Variants in FLI1 observed in about 807,000 individuals in gnomAD.
FLI1 encodes Fli-1 proto-oncogene, ETS transcription factor.
In FLI1, 13 loss-of-function variants were observed where a neutral mutation model predicts 53.1. The observed-to-expected ratio is 0.24, with a 90% confidence interval of 0.16 to 0.39. FLI1 has a LOEUF of 0.39. Ranked by LOEUF, FLI1 falls within the 10% of genes least tolerant of loss-of-function variation. FLI1 has a pLI of 1.00. For synonymous variants in FLI1, 244 were observed against 236.7 expected, an observed-to-expected ratio of 1.03 and a Z score of -0.28; for missense variants, 424 against 600.5, an observed-to-expected ratio of 0.71 and a Z score of 3.07.
At chr11:128,793,885 A>T (rs1267100940) in intron 5 of FLI1, among the ~76,000 whole-genome samples, 1 of 152,054 alleles carries the variant, frequency 6.6e-6, no homozygotes, top group Non-Finnish European at 1.5e-5. Context: ...CACCCTCCCC[A>T]TTCGTTCCCA....
At chr11:128,709,819 G>A (rs1412898796) in intron 1 of FLI1, among the ~76,000 whole-genome samples, 6 of 152,154 alleles carry the variant, frequency 3.9e-5, no homozygotes, top group Non-Finnish European at 7.3e-5. Flanking sequence ...TGTCCTTGTG[G>A]TAATACAGTA....
chr11:128,766,732 C>T (rs1047042683), intron 2 of FLI1, among the ~76,000 whole-genome samples: 2 of 151,722 alleles, frequency 1.3e-5, no homozygotes, highest in Non-Finnish European at 2.9e-5. Flanking sequence ...CTCAAGGCCT[C>T]GCTGTGGTCC....
chr11:128,709,207 C>T (rs1591741082), intron 1 of FLI1, among the ~76,000 whole-genome samples: 1 of 152,154 alleles, frequency 6.6e-6, no homozygotes, highest in South Asian at 2.1e-4. Flanking sequence ...AATTTTTCTA[C>T]CAACCTTACT....
At chr11:128,755,974 C>T (rs969694763) in intron 1 of FLI1, among the ~76,000 whole-genome samples, 1 of 152,230 alleles carries the variant, frequency 6.6e-6, no homozygotes, top group South Asian at 2.1e-4. Context: ...GGAGAATGGC[C>T]CTGGGAGACA....
intron 5 of FLI1, among the ~76,000 whole-genome samples, chr11:128,799,056 T>TTTTTTTTTTTTTTTG (rs1942544351): frequency 6.7e-6 from 1 of 148,608 alleles, no homozygotes; most frequent in African/African-American, 2.5e-5. Flanking sequence ...ATTATTATTT[T>TTTTTTTTTTTTTTTG]GCTTTGGAGA....
At chr11:128,798,442 A>T (rs915993537) in intron 5 of FLI1, among the ~76,000 whole-genome samples, 1 of 152,180 alleles carries the variant, frequency 6.6e-6, no homozygotes, top group African/African-American at 2.4e-5. Context: ...AGAATGTGCC[A>T]CTTCACTCTC....
At chr11:128,808,156 T>G (rs761015306) in intron 7 of FLI1, among the ~76,000 whole-genome samples, 5 of 152,156 alleles carry the variant, frequency 3.3e-5, no homozygotes, top group African/African-American at 1.2e-4. Context: ...AAATTATGCA[T>G]TAGTCATCAC....
intron 6 of FLI1, 26 bp from the exon 7 acceptor site, chr11:128,807,154 C>T (rs1274129243): frequency 1.3e-6 from 2 of 1,568,726 alleles, no homozygotes; most frequent in Non-Finnish European, 1.7e-6. Flanking sequence ...GTCCTACTCA[C>T]TGCATTTCTT....
chr11:128,756,977 G>C (rs557709876), intron 1 of FLI1, among the ~76,000 whole-genome samples: 21 of 152,166 alleles, frequency 1.4e-4, no homozygotes, highest in African/African-American at 5.1e-4. Context: ...CTACTTCCGG[G>C]GCTCAAGTGA....
intron 5 of FLI1, among the ~76,000 whole-genome samples, chr11:128,788,840 TCTCTGCATAGAATACCAGG>T (rs1163921202): frequency 6.6e-6 from 1 of 152,188 alleles, no homozygotes; most frequent in African/African-American, 2.4e-5. Context: ...TGGAGAATCT[TCTCTGCATAGAATACCAGG>T]CTGAGCCCTA....
chr11:128,772,425 A>T (rs1039972214), intron 3 of FLI1, among the ~76,000 whole-genome samples: 2 of 152,224 alleles, frequency 1.3e-5, no homozygotes, highest in Admixed American at 6.5e-5. Context: ...CTTAAAATAC[A>T]GATGGTTCCC....
At chr11:128,772,715 C>A (rs1048354623) in intron 3 of FLI1, 67 bp from the exon 4 acceptor site, 1 of 1,290,004 alleles carries the variant, frequency 7.8e-7, no homozygotes, top group African/African-American at 1.5e-5. Flanking sequence ...GTGAGGGAGG[C>A]TGCCTAGGCT....
chr11:128,742,095 G>A (rs957224153), intron 1 of FLI1, among the ~76,000 whole-genome samples: 6 of 152,162 alleles, frequency 3.9e-5, no homozygotes, highest in African/African-American at 1.4e-4. Context: ...TGCACAGCCT[G>A]TGTTTACACA....
chr11:128,752,738 G>A (rs1265331187), intron 1 of FLI1, among the ~76,000 whole-genome samples: 1 of 152,218 alleles, frequency 6.6e-6, no homozygotes, highest in Non-Finnish European at 1.5e-5. Flanking sequence ...GAATTGCCAG[G>A]AGGATTAAAT....
intron 7 of FLI1, among the ~76,000 whole-genome samples, chr11:128,807,706 T>C (rs1942823358): frequency 6.6e-6 from 1 of 152,314 alleles, no homozygotes; most frequent in South Asian, 2.1e-4. Context: ...AGACTCCGTA[T>C]TGGAGAGGAA....
intron 2 of FLI1, chr11:128,764,934 C>T: frequency 4.2e-6 from 5 of 1,190,098 alleles, no homozygotes; most frequent in African/African-American, 1.5e-5. Context: ...CCTGCAGGTC[C>T]TAGTGCAGAA....
At chr11:128,803,833 C>G (rs1413776329) in intron 5 of FLI1, 1 of 152,242 alleles carries the variant, frequency 6.6e-6, no homozygotes, top group Non-Finnish European at 1.5e-5. Flanking sequence ...AGCCTTCCAC[C>G]TCATTCCAAG....
At chr11:128,803,061 T>C (rs2135910751) in intron 5 of FLI1, among the ~76,000 whole-genome samples, 1 of 152,358 alleles carries the variant, frequency 6.6e-6, no homozygotes, top group African/African-American at 2.4e-5. Flanking sequence ...TTTAGAAAAC[T>C]TGAGACAGAT....
intron 1 of FLI1, among the ~76,000 whole-genome samples, chr11:128,696,696 TAC>T (rs1169794972): frequency 6.6e-6 from 1 of 152,224 alleles, no homozygotes. Context: ...CTAATTTGTG[TAC>T]ACAAATCCAG....
Sources: allele counts gnomAD v4.1 joint callset (sites outside exome capture counted in the v4.1 genomes callset), GRCh38; gene constraint gnomAD v4.1.1; transcripts MANE v1.5; gene names NCBI Gene and HGNC (gene_info 2026-07-23, HGNC 2026-07-21).